KCNA2: variants seen among roughly 807,000 people sequenced by gnomAD.
The protein encoded by KCNA2 is potassium channel, voltage gated shaker related subfamily A, member 2.
Under a neutral mutation model 33.4 loss-of-function variants are expected in KCNA2, and 11 were observed. That is an observed-to-expected ratio of 0.33 (90% CI 0.21 to 0.55). The LOEUF is 0.55. Among genes scored for constraint, KCNA2 ranks in the 20% least tolerant of loss-of-function variants. The pLI is 0.93. For synonymous variants in KCNA2, 222 were observed against 231.3 expected (o/e 0.96, Z 0.37); for missense variants, 291 against 621.6 (o/e 0.47, Z 5.66).
chr1:110,619,548 A>G (rs1324942242), intron 1 of KCNA2, among the ~76,000 whole-genome samples: 2 of 152,220 alleles, frequency 1.3e-5, no homozygotes, highest in Admixed American at 6.5e-5. Flanking sequence ...GTATCTGCAC[A>G]CTGTGGCTCG....
intron 1 of KCNA2, among the ~76,000 whole-genome samples, chr1:110,629,833 A>C (rs113216079): frequency 0.034 from 5,211 of 152,332 alleles, 130 homozygotes; most frequent in Non-Finnish European, 0.055. Flanking sequence ...ACGAGAGAAA[A>C]ACGAGGAGAC....
In KCNA2 at chr1:110,597,422, T is replaced by G. The variant is rs1376594069; in HGVS notation, c.*5861A>C. On this transcript the variant is annotated 3_prime_UTR_variant, in exon 3 of 3. Coordinates refer to ENST00000316361, the MANE Select transcript of KCNA2 (RefSeq NM_004974.4). ...CTGAAAAGGTCACACAAACTTAGGATTTTCATGCCTAGAGGTTGTAAGGAT... is the reference window on the plus strand; with the variant it reads ...CTGAAAAGGTCACACAAACTTAGGAGTTTCATGCCTAGAGGTTGTAAGGAT... The G allele has an allele frequency of 8.1e-6, 8 of 985,244 alleles. No homozygotes were observed. Among genetic ancestry groups the G allele is most frequent in the African/African-American group, 1.7e-5 (1 of 57,192 alleles). The allele number at this position is 985,244 out of a possible 1,614,324, so 61.0% of individuals were successfully genotyped here. A position where few individuals can be genotyped will look rare whatever the true frequency, so the allele number is the denominator to read the frequency against.
At position 110,600,575 on chromosome 1, in the gene KCNA2, A is replaced by G; in HGVS notation, c.*2708T>C. ...ACATGTTTTATGTTTGTGTGTGACA[A>G]CAGTGTACCTATTTTGTGGTGAATG... On this transcript the variant is annotated 3_prime_UTR_variant, in exon 3 of 3. Coordinates refer to ENST00000316361, the MANE Select transcript of KCNA2 (RefSeq NM_004974.4). 1 of 985,332 alleles carries G rather than the reference A, an allele frequency of 1.0e-6. No individual in the cohort carries two copies. The highest frequency in any genetic ancestry group is 1.2e-6 in the Non-Finnish European group (1 of 829,922). The allele number at this position is 985,332 out of a possible 1,614,324, so 61.0% of individuals were successfully genotyped here.
chr1:110,615,213 C>T (rs564366678), intron 1 of KCNA2, among the ~76,000 whole-genome samples: 21 of 152,214 alleles, frequency 1.4e-4, no homozygotes, highest in Admixed American at 2.6e-4. Flanking sequence ...CAGCAGGGCC[C>T]GCCTGCCACA....
At position 110,596,321 on chromosome 1, in the gene KCNA2, C is replaced by T. The variant is rs1649096257; in HGVS notation, c.*6962G>A. ...AATTCTATAATTTAAAAATAGTATACATATATACATATACTATATATATAT... is the reference window on the plus strand; with the variant it reads ...AATTCTATAATTTAAAAATAGTATATATATATACATATACTATATATATAT... On this transcript the variant is annotated 3_prime_UTR_variant, in exon 3 of 3. Transcript: ENST00000316361. 8.6e-6 allele frequency: 4 copies of T among 465,682 alleles called. No individual in the cohort carries two copies. The highest frequency in any genetic ancestry group is 1.3e-4 in the Admixed American group (2 of 15,130). The allele number at this position is 465,682 out of a possible 1,614,324, so 28.8% of individuals were successfully genotyped here. A position where few individuals can be genotyped will look rare whatever the true frequency, so the allele number is the denominator to read the frequency against.
upstream of KCNA2, among the ~76,000 whole-genome samples, chr1:110,608,701 T>C (rs1649763728): frequency 6.6e-6 from 1 of 152,100 alleles, no homozygotes; most frequent in African/African-American, 2.4e-5. Context: ...ACCTGGCCTG[T>C]TAGTGTCCCA....
At position 110,601,792 on chromosome 1, in the gene KCNA2, ATATGTGTGTGTGTGTGTGTG is replaced by A; in HGVS notation, c.*1471_*1490del. 9.0e-7 allele frequency: 1 copy of A among 1,108,116 alleles called. No homozygotes were observed. Among genetic ancestry groups the A allele is most frequent in the Non-Finnish European group, 1.1e-6 (1 of 904,714 alleles). The allele number at this position is 1,108,116 out of a possible 1,614,324, so 68.6% of individuals were successfully genotyped here. ...CCAGAAAATGAATATATATATATAT[ATATGTGTGTGTGTGTGTGTG>A]TGTGTGTGTGTGTGTGTATACATAT... On this transcript the variant is annotated 3_prime_UTR_variant, in exon 3 of 3. Coordinates refer to ENST00000316361, the MANE Select transcript of KCNA2 (RefSeq NM_004974.4).
In KCNA2 at chr1:110,599,506, A is replaced by T. The variant is rs1570748683; in HGVS notation, c.*3777T>A. On this transcript the variant is annotated 3_prime_UTR_variant, in exon 3 of 3. Coordinates refer to ENST00000316361, the MANE Select transcript of KCNA2 (RefSeq NM_004974.4). ...AGCGTGCCCGGGATTGAACACACCC[A>T]GAGGGGAATCAGGAGTTGGCCCCTT... The T allele has an allele frequency of 1.0e-5, 10 of 985,242 alleles. No homozygotes were observed. In the South Asian group the frequency reaches 4.2e-4, roughly 42 times the overall value. 61.0% of individuals were successfully genotyped at this position (985,242 alleles called of 1,614,324 possible).
intron 1 of KCNA2, among the ~76,000 whole-genome samples, chr1:110,621,391 C>T (rs756646508): frequency 3.3e-5 from 5 of 152,066 alleles, no homozygotes; most frequent in Non-Finnish European, 7.4e-5. Flanking sequence ...AAATTATATG[C>T]TTATATTAGA....
intron 1 of KCNA2, among the ~76,000 whole-genome samples, chr1:110,626,982 A>G (rs1330749153): frequency 2.0e-5 from 3 of 152,178 alleles, no homozygotes; most frequent in African/African-American, 7.2e-5. Flanking sequence ...TTTACTGGGC[A>G]CCTATTTTGC....
Position 110,630,009 on chromosome 1 carries a change from CTT to C in KCNA2, c.-496+1384_-496+1385del, listed in dbSNP as rs372364243. ...AGTTAACATCTCTAAGTGCTCTGTACTTTTTTTTTTTTTTTTTTTTTTTGAGA... is the reference window on the plus strand; with the variant it reads ...AGTTAACATCTCTAAGTGCTCTGTACTTTTTTTTTTTTTTTTTTTTTGAGA... On this transcript the variant is annotated intron_variant, in intron 1 of 4. Coordinates refer to the KCNA2 transcript ENST00000369770. Among the ~76,000 whole-genome samples the C allele has an allele frequency of 7.1e-3, 812 of 115,086 alleles. 5 individuals are homozygous for C. The highest frequency in any genetic ancestry group is 0.027 in the African/African-American group (717 of 26,394). 75.5% of individuals were successfully genotyped at this position (115,086 alleles called of 152,430 possible).
intron 1 of KCNA2, among the ~76,000 whole-genome samples, chr1:110,625,591 T>A (rs1290757897): frequency 2.6e-5 from 4 of 152,100 alleles, no homozygotes; most frequent in Non-Finnish European, 4.4e-5. Context: ...AACAAAAAAT[T>A]GATAAATTCA....
upstream of KCNA2, chr1:110,607,400 G>GC (rs1379397137): frequency 6.6e-6 from 1 of 150,528 alleles, no homozygotes; most frequent in Non-Finnish European, 1.5e-5. Context: ...CCCGGCCGCC[G>GC]CCCGCAGCCG....
rs1445470292 is a variant in KCNA2 at position 110,600,797 on chromosome 1, T to C, written c.*2486A>G. The C allele has an allele frequency of 1.0e-6, 1 of 985,322 alleles. No individual in the cohort carries two copies. Among genetic ancestry groups the C allele is most frequent in the East Asian group, 1.1e-4 (1 of 8,820 alleles). 61.0% of individuals were successfully genotyped at this position (985,322 alleles called of 1,614,324 possible). A position where few individuals can be genotyped will look rare whatever the true frequency, so the allele number is the denominator to read the frequency against. ...GAAGAGAAGCACAGAGGCTTTGTGCTGGGCATGGGATGCCCTGCAGATACC... is the reference window on the plus strand; with the variant it reads ...GAAGAGAAGCACAGAGGCTTTGTGCCGGGCATGGGATGCCCTGCAGATACC... On this transcript the variant is annotated 3_prime_UTR_variant, in exon 3 of 3. Coordinates refer to ENST00000316361, the MANE Select transcript of KCNA2 (RefSeq NM_004974.4).
At chr1:110,608,465 G>A (rs139724155), upstream of KCNA2, among the ~76,000 whole-genome samples, 204 of 152,268 alleles carry the variant, frequency 1.3e-3, 1 homozygote, top group Non-Finnish European at 2.2e-3. Flanking sequence ...CCCTCCGGCC[G>A]GGAAACCCTC....
chr1:110,615,181 C>T (rs761838708), intron 1 of KCNA2, among the ~76,000 whole-genome samples: 1 of 152,128 alleles, frequency 6.6e-6, no homozygotes, highest in Admixed American at 6.5e-5. Flanking sequence ...CCTAAGGCAC[C>T]CAAAGGCGAC....
chr1:110,624,770 C>T (rs12076864), intron 1 of KCNA2, among the ~76,000 whole-genome samples: 9,834 of 152,050 alleles, frequency 0.065, 1,064 homozygotes, highest in African/African-American at 0.22. Context: ...ATAATCTGCA[C>T]TACATTTATC....
chr1:110,617,611 C>A (rs1650108940), intron 1 of KCNA2, among the ~76,000 whole-genome samples: 1 of 152,168 alleles, frequency 6.6e-6, no homozygotes, highest in Non-Finnish European at 1.5e-5. Context: ...GGTCTGGACT[C>A]AGGCCATTTG....
In KCNA2 at chr1:110,598,003, T is replaced by C; in HGVS notation, c.*5280A>G. On this transcript the variant is annotated 3_prime_UTR_variant, in exon 3 of 3. Transcript: ENST00000316361. ...GAACAGGGTTGGACTCAACAAGGGC[T>C]AAGTCTGAAGATATAGATGATGGTC... is the stretch of plus-strand genomic sequence containing the variant. The C allele has an allele frequency of 1.0e-6, 1 of 985,394 alleles. No homozygotes were observed. Among genetic ancestry groups the C allele is most frequent in the Non-Finnish European group, 1.2e-6 (1 of 829,916 alleles). The allele number at this position is 985,394 out of a possible 1,614,324, so 61.0% of individuals were successfully genotyped here.
Sources: allele counts gnomAD v4.1 joint callset (sites outside exome capture counted in the v4.1 genomes callset), GRCh38; gene constraint gnomAD v4.1.1; transcripts MANE v1.5; gene names NCBI Gene and HGNC (gene_info 2026-07-23, HGNC 2026-07-21).